Variants in SLC26A2 observed in about 807,000 individuals in gnomAD.
SLC26A2 encodes the protein sulfate transporter.
Under a neutral mutation model 41.1 loss-of-function variants are expected in SLC26A2, and 36 were observed. The ratio of observed to expected loss-of-function variants is 0.88; its 90% CI spans 0.67 to 1.16. SLC26A2 has a LOEUF of 1.16. SLC26A2 is among the 50% of genes most tolerant of loss of function. The pLI, the probability that SLC26A2 is intolerant of heterozygous loss-of-function variation, is 0.00. For missense variants in SLC26A2, 796 were observed against 869.6 expected (o/e 0.92, Z 1.07); for synonymous variants, 291 against 311.6 (o/e 0.93, Z 0.70).
rs1390592184 is a variant in SLC26A2, at chr5:149,981,464, AAGT to A, written c.1875_1877del (p.Val626del). On this transcript the variant is annotated inframe_deletion, in exon 3 of 3. Coordinates refer to ENST00000286298, the MANE Select transcript of SLC26A2 (RefSeq NM_000112.4). ...GCAGCAAAGAGAAAGATCAAAGAAA[AAGT>A]AGTGACTCTTGGTGGAATCCAGGAT... 6.2e-7 allele frequency: 1 copy of A among 1,614,154 alleles called. No homozygotes were observed. The highest frequency in any genetic ancestry group is 8.5e-7 in the Non-Finnish European group (1 of 1,179,996).
Position 149,983,206 on chromosome 5 carries a change from TTTA to T in SLC26A2, c.*1398_*1400del, listed in dbSNP as rs1480313773. 5 of 151,866 alleles carry T rather than the reference TTTA, an allele frequency of 3.3e-5. No individual in the cohort carries two copies. The highest frequency in any genetic ancestry group is 7.4e-5 in the Non-Finnish European group (5 of 67,966). 9.4% of individuals were successfully genotyped at this position (151,866 alleles called of 1,614,324 possible). On this transcript the variant is annotated 3_prime_UTR_variant, in exon 3 of 3. Transcript: ENST00000286298. Reference sequence around the variant, plus strand: ...ATGTATATTTAAAATGCATATATATTTTATTATATCTATATTATCCTATATAGA... The same window carrying T: ...ATGTATATTTAAAATGCATATATATTTTATATCTATATTATCCTATATAGA...
chr5:149,963,327 G>C (rs959261630), intron 1 of SLC26A2, among the ~76,000 whole-genome samples: 1 of 150,730 alleles, frequency 6.6e-6, no homozygotes, highest in Non-Finnish European at 1.5e-5. Context: ...TCTCCAGGCC[G>C]GAGTGCAGTG....
intron 1 of SLC26A2, among the ~76,000 whole-genome samples, chr5:149,963,586 G>A (rs1754751905): frequency 6.6e-6 from 1 of 151,528 alleles, no homozygotes. Context: ...CTAATTTTTT[G>A]TATTTTTTAG....
At chr5:149,969,860 C>T (rs1754873186) in intron 1 of SLC26A2, among the ~76,000 whole-genome samples, 1 of 152,132 alleles carries the variant, frequency 6.6e-6, no homozygotes, top group African/African-American at 2.4e-5. Context: ...TTCACGTTGG[C>T]CTGCAGTGTA....
chr5:149,967,418 TCCCGAAATAGC>T (rs532180774), intron 1 of SLC26A2, among the ~76,000 whole-genome samples: 105 of 152,296 alleles, frequency 6.9e-4, no homozygotes, highest in African/African-American at 2.5e-3. Flanking sequence ...TTACTTCCTA[TCCCGAAATAGC>T]CACTGATTTA....
rs999595906 is a variant in SLC26A2, at chr5:149,987,104, T to G, written c.*5291T>G. 8 of 152,248 alleles carry G rather than the reference T, an allele frequency of 5.3e-5. No homozygotes were observed. The highest frequency in any genetic ancestry group is 1.7e-4 in the African/African-American group (7 of 41,474). The allele number at this position is 152,248 out of a possible 1,614,324, so 9.4% of individuals were successfully genotyped here. A position where few individuals can be genotyped will look rare whatever the true frequency, so the allele number is the denominator to read the frequency against. On this transcript the variant is annotated 3_prime_UTR_variant, in exon 3 of 3. Coordinates refer to ENST00000286298, the MANE Select transcript of SLC26A2 (RefSeq NM_000112.4). ...ACCAAAAAAGTATACTGCCTGTTTT[T>G]TCTTTAATTATTCAAGGTTGATGAC...
chr5:149,963,635 G>A (rs1284830060), intron 1 of SLC26A2, among the ~76,000 whole-genome samples: 12 of 151,576 alleles, frequency 7.9e-5, no homozygotes, highest in South Asian at 2.1e-4. Context: ...GGCTGGTCTC[G>A]AACTCCTGGC....
chr5:149,986,975 T>C lies in SLC26A2; in HGVS notation c.*5162T>C, dbSNP rs1411070137. 3 of 152,252 alleles carry C rather than the reference T, an allele frequency of 2.0e-5. No individual in the cohort carries two copies. Among genetic ancestry groups the C allele is most frequent in the Non-Finnish European group, 4.4e-5 (3 of 68,040 alleles). The allele number at this position is 152,252 out of a possible 1,614,324, so 9.4% of individuals were successfully genotyped here. On this transcript the variant is annotated 3_prime_UTR_variant, in exon 3 of 3. Transcript: ENST00000286298. ...GAGTGTGTATGAACATACCAATCTA[T>C]GTAATAGGCTACCTTTTTTTGTCTT...
In SLC26A2 at chr5:149,980,238, A is replaced by G. The variant is rs933084157; in HGVS notation, c.700-55A>G. 5 of 1,402,650 alleles carry G rather than the reference A, an allele frequency of 3.6e-6. No homozygotes were observed. The African/African-American group carries it at 5.7e-5, about 16-fold the overall frequency. 86.9% of individuals were successfully genotyped at this position (1,402,650 alleles called of 1,614,324 possible). ...ATGCAAGAAATGTCAGGATAATATAAAATTTAGAAGTTCTTTTCCATTTAT... is the reference window on the plus strand; with the variant it reads ...ATGCAAGAAATGTCAGGATAATATAGAATTTAGAAGTTCTTTTCCATTTAT... On this transcript the variant is annotated intron_variant, in intron 2 of 2. Coordinates refer to ENST00000286298, the MANE Select transcript of SLC26A2 (RefSeq NM_000112.4).
intron 1 of SLC26A2, among the ~76,000 whole-genome samples, chr5:149,975,551 G>A (rs541855907): frequency 2.6e-5 from 4 of 152,322 alleles, no homozygotes; most frequent in African/African-American, 4.8e-5. Context: ...AATGACAGGA[G>A]AGTCACAGAC....
chr5:149,978,354 A>C lies in SLC26A2; in HGVS notation c.699+3A>C, dbSNP rs778015831. On this transcript the variant is annotated splice_donor_region_variant and intron_variant, in intron 2 of 2. Coordinates refer to ENST00000286298, the MANE Select transcript of SLC26A2 (RefSeq NM_000112.4). Reference sequence around the variant, plus strand: ...CCTTTATAGCTGGAGTTTATCAGGTAAGCAGCAATGAAACAATTGGTTATT... The same window carrying C: ...CCTTTATAGCTGGAGTTTATCAGGTCAGCAGCAATGAAACAATTGGTTATT... 2 of 1,605,834 alleles carry C rather than the reference A, an allele frequency of 1.2e-6. No individual in the cohort carries two copies. The highest frequency in any genetic ancestry group is 3.3e-5 in the Admixed American group (2 of 60,018).
In SLC26A2 at chr5:149,982,061, A is replaced by G. The variant is rs1001883031; in HGVS notation, c.*248A>G. ...AGATATGAAGTATTCTTGGAATGCA[A>G]TAAGTATGTATTGAACTGTACTGTA... is the stretch of plus-strand genomic sequence containing the variant. On this transcript the variant is annotated 3_prime_UTR_variant, in exon 3 of 3. Coordinates refer to ENST00000286298, the MANE Select transcript of SLC26A2 (RefSeq NM_000112.4). 5 of 510,860 alleles carry G rather than the reference A, an allele frequency of 9.8e-6. No homozygotes were observed. The highest frequency in any genetic ancestry group is 2.3e-5 in the South Asian group (1 of 43,748). The allele number at this position is 510,860 out of a possible 1,614,324, so 31.6% of individuals were successfully genotyped here.
At position 149,962,816 on chromosome 5, in the gene SLC26A2, C is replaced by T. The variant is rs1754736196; in HGVS notation, c.-26+1837C>T. 5.3e-5 allele frequency among the ~76,000 whole-genome samples: 8 copies of T among 152,126 alleles called. No homozygotes were observed. The South Asian group carries it at 1.7e-3, about 32-fold the overall frequency. ...TAAGTGAGAATGGGGAAAGTAACTC[C>T]TTTTTCCTTATCATATAGCTGTTAA... On this transcript the variant is annotated intron_variant, in intron 1 of 2. Transcript: ENST00000286298.
intron 1 of SLC26A2, among the ~76,000 whole-genome samples, chr5:149,961,739 A>T (rs1754710394): frequency 6.6e-6 from 1 of 152,118 alleles, no homozygotes; most frequent in South Asian, 2.1e-4. Context: ...TGAAATCTAC[A>T]ACTAATGTGA....
intron 1 of SLC26A2, among the ~76,000 whole-genome samples, chr5:149,963,468 G>A (rs1042787506): frequency 1.3e-5 from 2 of 151,992 alleles, no homozygotes; most frequent in African/African-American, 4.8e-5. Flanking sequence ...TAGTAGAGAC[G>A]GGGTTTCACC....
At chr5:149,973,164 A>T (rs1754934392) in intron 1 of SLC26A2, among the ~76,000 whole-genome samples, 5 of 152,114 alleles carry the variant, frequency 3.3e-5, no homozygotes, top group Non-Finnish European at 7.4e-5. Flanking sequence ...ATTTAAAAAA[A>T]ATAATAATAA....
chr5:149,974,299 T>C (rs1483459974), intron 1 of SLC26A2, among the ~76,000 whole-genome samples: 1 of 152,024 alleles, frequency 6.6e-6, no homozygotes, highest in Non-Finnish European at 1.5e-5. Flanking sequence ...ATTTTCTCTT[T>C]ATCTTTTGTT....
chr5:149,961,942 T>C (rs1161118257), intron 1 of SLC26A2: 3 of 152,214 alleles, frequency 2.0e-5, no homozygotes, highest in African/African-American at 7.2e-5. Context: ...GGTAGGTAGT[T>C]GTGTTAGCCT....
rs754976159 is a variant in SLC26A2, at chr5:149,981,572, A to G, written c.1979A>G (p.Asp660Gly). The G allele has an allele frequency of 6.2e-6, 10 of 1,613,964 alleles. No homozygotes were observed. The highest frequency in any genetic ancestry group is 8.5e-6 in the Non-Finnish European group (10 of 1,179,984). ...VIDCSAIQFL[D>G]TAGIHTLKEV... The stretch of plus-strand genomic sequence containing the variant: ...GACTGCAGTGCAATTCAATTTTTAG[A>G]TACAGCAGGGATCCACACACTGAAA... The change falls in exon 3 of 3, where the codon GAT becomes GGT. Residue 660 changes from aspartate to glycine, a missense_variant. Asp to Gly is a moderately conservative substitution (Grantham distance 94). Transcript: ENST00000286298.
Sources: allele counts gnomAD v4.1 joint callset (sites outside exome capture counted in the v4.1 genomes callset), GRCh38; gene constraint gnomAD v4.1.1; transcripts MANE v1.5; gene names NCBI Gene and HGNC (gene_info 2026-07-23, HGNC 2026-07-21).